Variants in BCKDK observed in about 807,000 individuals in gnomAD.
BCKDK encodes branched-chain alpha-ketoacid dehydrogenase kinase.
Under a neutral mutation model 43.9 loss-of-function variants are expected in BCKDK, and 28 were observed. The ratio of observed to expected loss-of-function variants is 0.64; its 90% CI spans 0.47 to 0.87. The LOEUF is 0.87. Among genes scored for constraint, BCKDK ranks in the 40% least tolerant of loss-of-function variants. BCKDK has a pLI of 0.00. For missense variants in BCKDK, 483 were observed against 581.4 expected (o/e 0.83, Z 1.74); for synonymous variants, 257 against 234.3 (o/e 1.10, Z -0.88).
At position 31,112,233 on chromosome 16, in the gene BCKDK, A is replaced by G; in HGVS notation, c.1207A>G (p.Ile403Val). The G allele has an allele frequency of 6.2e-7, 1 of 1,611,132 alleles. No individual in the cohort carries two copies. The highest frequency in any genetic ancestry group is 8.5e-7 in the Non-Finnish European group (1 of 1,179,992). Residue 403 changes from isoleucine to valine, a missense_variant, in exon 12 of 12, where the codon ATC becomes GTC. Transcript: ENST00000219794. The surrounding 1 kb of genome is among the most constrained non-coding windows in gnomAD (Gnocchi z 5.0). Reference protein sequence around the residue: ...GTDVYLRLRHIDGREESFRI With the variant: ...GTDVYLRLRHVDGREESFRI ...GGACGTCTACCTGCGGCTCCGCCAC[A>G]TCGATGGCCGGGAGGAAAGCTTCCG...
At chr16:31,111,638 C>T (rs550089917) in intron 10 of BCKDK, among the ~76,000 whole-genome samples, 1 of 152,226 alleles carries the variant, frequency 6.6e-6, no homozygotes, top group East Asian at 1.9e-4. Flanking sequence ...AGTCAGGAGT[C>T]GGTCTAGGAT....
downstream of BCKDK, among the ~76,000 whole-genome samples, chr16:31,117,185 C>T (rs1019846825): frequency 6.6e-6 from 1 of 151,634 alleles, no homozygotes; most frequent in Non-Finnish European, 1.5e-5. Flanking sequence ...TCCTGGACAA[C>T]ATGGTGAAAC....
At chr16:31,113,626 G>C (rs1159670266), downstream of BCKDK, among the ~76,000 whole-genome samples, 2 of 152,114 alleles carry the variant, frequency 1.3e-5, no homozygotes, top group Non-Finnish European at 2.9e-5. Context: ...ATCATGCCAG[G>C]CTAAATTTTA....
chr16:31,116,600 G>T (rs1182715762), downstream of BCKDK, among the ~76,000 whole-genome samples: 6 of 151,638 alleles, frequency 4.0e-5, no homozygotes, highest in Non-Finnish European at 8.8e-5. Flanking sequence ...CCAAATAGGG[G>T]AAGTAGTCTC....
chr16:31,109,280 C>T lies in BCKDK; in HGVS notation c.57C>T (p.Pro19=). 6.3e-7 allele frequency: 1 copy of T among 1,592,682 alleles called. No individual in the cohort carries two copies. Among genetic ancestry groups the T allele is most frequent in the Non-Finnish European group, 8.6e-7 (1 of 1,169,280 alleles). ...SGPGGGLPLR[P]LLGPALALRA... is the part of the protein sequence containing the mutation. ...CCGGGGGCGGGCTTCCGCTCCGGCC[C>T]CTCCTGGGACCCGCACTCGCGCTCC... The change falls in exon 2 of 12, where the codon CCC becomes CCT. Residue 19 remains proline (P), a synonymous_variant. Coordinates refer to ENST00000219794, the MANE Select transcript of BCKDK (RefSeq NM_005881.4). This position sits in a 1 kb window ranked among gnomAD's most constrained non-coding sequence, Gnocchi z 5.3.
downstream of BCKDK, among the ~76,000 whole-genome samples, chr16:31,114,295 C>G (rs1035930438): frequency 1.4e-5 from 2 of 145,148 alleles, no homozygotes; most frequent in African/African-American, 5.1e-5. Context: ...GCCCCACCCC[C>G]CCCCAACCCC....
Position 31,110,278 on chromosome 16 carries a change from T to A in BCKDK, c.497T>A (p.Val166Glu). 6.2e-7 allele frequency: 1 copy of A among 1,613,974 alleles called. No homozygotes were observed. Among genetic ancestry groups the A allele is most frequent in the Non-Finnish European group, 8.5e-7 (1 of 1,179,996 alleles). ...CTGCTGGATGACCACAAGGATGTGG[T>A]GACCCTCTTGGCAGAGGGCCTACGT... ...RQLLDDHKDV[V>E]TLLAEGLRES... is the part of the protein sequence containing the mutation. The change falls in exon 6 of 12, where the codon GTG becomes GAG. Residue 166 changes from valine to glutamate, a missense_variant. By Grantham distance (121) the Val-to-Glu change is moderately radical (BLOSUM62 -2). Transcript: ENST00000219794. This position sits in a 1 kb window ranked among gnomAD's most constrained non-coding sequence, Gnocchi z 5.4.
In BCKDK at chr16:31,112,555, A is replaced by G; in HGVS notation, c.*290A>G. 2 of 542,104 alleles carry G rather than the reference A, an allele frequency of 3.7e-6. No individual in the cohort carries two copies. Among genetic ancestry groups the G allele is most frequent in the Non-Finnish European group, 6.7e-6 (2 of 299,498 alleles). The allele number at this position is 542,104 out of a possible 1,614,324, so 33.6% of individuals were successfully genotyped here. A position where few individuals can be genotyped will look rare whatever the true frequency, so the allele number is the denominator to read the frequency against. On this transcript the variant is annotated 3_prime_UTR_variant, in exon 12 of 12. Coordinates refer to ENST00000219794, the MANE Select transcript of BCKDK (RefSeq NM_005881.4). This position sits in a 1 kb window ranked among gnomAD's most constrained non-coding sequence, Gnocchi z 5.0. ...ACTCTGACCTGTTATTAAAGTTCAC[A>G]TTTTGAATGCCCTCTCGGGCCCCGT...
At chr16:31,111,786 G>C in intron 10 of BCKDK, 83 bp from the exon 11 acceptor site, 2 of 1,558,706 alleles carry the variant, frequency 1.3e-6, no homozygotes, top group Non-Finnish European at 1.8e-6. Flanking sequence ...GAACAGGAAG[G>C]CAGACTTTGC....
At chr16:31,113,740 G>A (rs373527453), downstream of BCKDK, among the ~76,000 whole-genome samples, 9 of 152,256 alleles carry the variant, frequency 5.9e-5, no homozygotes, top group East Asian at 5.8e-4. Context: ...TCCCAAAGTG[G>A]TGGGGTTACA....
Position 31,110,409 on chromosome 16 carries a change from G to T in BCKDK, c.552G>T (p.Lys184Asn), listed in dbSNP as rs774214869. 2.5e-6 allele frequency: 4 copies of T among 1,613,976 alleles called. No homozygotes were observed. The Admixed American group carries it at 6.7e-5, about 27-fold the overall frequency. Residue 184 changes from lysine (K) to asparagine (N), a missense_variant, in exon 7 of 12, where the codon AAG (lysine) becomes AAT (asparagine). Transcript: ENST00000219794. The surrounding 1 kb of genome is among the most constrained non-coding windows in gnomAD (Gnocchi z 5.4). The stretch of plus-strand genomic sequence containing the variant: ...GACCTCACTCTTTACAGGATGAAAA[G>T]CTCGTCCGCTACTTCTTGGACAAGA... The part of the protein sequence containing the change: ...RESRKHIEDE[K>N]LVRYFLDKTL...
At position 31,110,100 on chromosome 16, in the gene BCKDK, C is replaced by T; in HGVS notation, c.399C>T (p.Phe133=). 6.2e-7 allele frequency: 1 copy of T among 1,614,168 alleles called. No individual in the cohort carries two copies. The highest frequency in any genetic ancestry group is 8.5e-7 in the Non-Finnish European group (1 of 1,180,034). Residue 133 remains phenylalanine, a synonymous_variant, in exon 5 of 12, where the codon TTC becomes TTT. Coordinates refer to ENST00000219794, the MANE Select transcript of BCKDK (RefSeq NM_005881.4). This position sits in a 1 kb window ranked among gnomAD's most constrained non-coding sequence, Gnocchi z 5.4. ...LHVHELYIRA[F]QKLTDFPPIK... ...AGCATGAGCTATATATCCGTGCCTTCCAGAAGCTGACAGACTTCCCTCCGG... is the reference window on the plus strand; with the variant it reads ...AGCATGAGCTATATATCCGTGCCTTTCAGAAGCTGACAGACTTCCCTCCGG...
At chr16:31,117,099 C>T (rs776381142), downstream of BCKDK, among the ~76,000 whole-genome samples, 19 of 151,972 alleles carry the variant, frequency 1.3e-4, no homozygotes, top group Non-Finnish European at 2.2e-4. Context: ...TGGCCGGGCA[C>T]GGTGGCTCAC....
downstream of BCKDK, chr16:31,117,433 G>C (rs1457859427): frequency 2.1e-5 from 8 of 381,778 alleles, no homozygotes; most frequent in East Asian, 1.1e-4. Context: ...CATCGCATGA[G>C]GTAAGTCTGT....
chr16:31,114,285 G>GCCCCCCCCCCCCCC (rs1479272914), downstream of BCKDK, among the ~76,000 whole-genome samples: 1 of 84,134 alleles, frequency 1.2e-5, no homozygotes, highest in Non-Finnish European at 2.7e-5. Flanking sequence ...TGCAACCTCC[G>GCCCCCCCCCCCCCC]CCCCACCCCC....
Position 31,111,934 on chromosome 16 carries a change from C to A in BCKDK, c.1001C>A (p.Thr334Asn). The change falls in exon 11 of 12, where the codon ACT becomes AAT. Residue 334 changes from threonine (T) to asparagine (N), a missense_variant. Thr to Asn is a moderately conservative substitution (Grantham distance 65). Transcript: ENST00000219794. ...DLDRVMDYHFTTAEASTQDPR... is the reference protein window; with the variant it reads ...DLDRVMDYHFNTAEASTQDPR... ...GACCGGGTCATGGACTACCACTTCACTACTGCTGAGGCCAGCACACAGGAC... is the reference window on the plus strand; with the variant it reads ...GACCGGGTCATGGACTACCACTTCAATACTGCTGAGGCCAGCACACAGGAC... The A allele has an allele frequency of 6.2e-7, 1 of 1,614,192 alleles. No homozygotes were observed. Among genetic ancestry groups the A allele is most frequent in the Non-Finnish European group, 8.5e-7 (1 of 1,180,026 alleles).
At chr16:31,111,052 T>C in intron 8 of BCKDK, 39 bp from the exon 9 acceptor site, 3 of 1,609,976 alleles carry the variant, frequency 1.9e-6, no homozygotes, top group Non-Finnish European at 2.5e-6. Flanking sequence ...AAACCACTGG[T>C]GGAGGGGCCC....
At chr16:31,111,496 T>G in intron 10 of BCKDK, 107 bp downstream of exon 10, 2 of 1,260,716 alleles carry the variant, frequency 1.6e-6, no homozygotes, top group Non-Finnish European at 2.3e-6. Flanking sequence ...TTCTGGGACT[T>G]GGTCCCTGAC....
In BCKDK at chr16:31,110,311, G is replaced by A. The variant is rs759259508; in HGVS notation, c.530G>A (p.Arg177Gln). 8.1e-6 allele frequency: 13 copies of A among 1,613,992 alleles called. No individual in the cohort carries two copies. Among genetic ancestry groups the A allele is most frequent in the South Asian group, 4.4e-5 (4 of 91,084 alleles). Residue 177 changes from arginine to glutamine, a missense_variant, in exon 6 of 12, where the codon CGG becomes CAG. Physicochemically the swap from Arg to Gln is conservative, Grantham distance 43. Coordinates refer to ENST00000219794, the MANE Select transcript of BCKDK (RefSeq NM_005881.4). The surrounding 1 kb of genome is among the most constrained non-coding windows in gnomAD (Gnocchi z 5.4). ...TTGGCAGAGGGCCTACGTGAGAGCC[G>A]GAAGCACATAGAGGTTGGGGCAGCA... is the stretch of plus-strand genomic sequence containing the variant. The part of the protein sequence containing the change: ...TLLAEGLRES[R>Q]KHIEDEKLVR...
Sources: gnomAD v4.1 joint callset for allele counts (sites outside exome capture counted in the v4.1 genomes callset) on GRCh38, gnomAD v4.1.1 for gene constraint, Gnocchi (gnomAD v3.1) non-coding constraint, MANE v1.5 for transcripts, NCBI Gene and HGNC (gene_info 2026-07-23, HGNC 2026-07-21) for gene names.